The following ADGRF3 variants were observed in gnomAD, a reference collection of about 807,000 sequenced individuals.
ADGRF3 encodes the protein G protein-coupled receptor 113.
In ADGRF3, 85 loss-of-function variants were observed where a neutral mutation model predicts 93.2. That is an observed-to-expected ratio of 0.91 (90% CI 0.77 to 1.09). The LOEUF (loss-of-function observed/expected upper bound fraction) is 1.09. Among genes scored for constraint, ADGRF3 ranks in the 50% least tolerant of loss-of-function variants. ADGRF3 has a pLI of 0.00. For synonymous variants in ADGRF3, 534 were observed against 532.5 expected, an observed-to-expected ratio of 1.00 and a Z score of -0.04; for missense variants, 1,125 against 1,246.2, an observed-to-expected ratio of 0.90 and a Z score of 1.46.
intron 1 of ADGRF3, among the ~76,000 whole-genome samples, chr2:26,334,947 G>A (rs939588148): frequency 2.6e-5 from 4 of 151,818 alleles, no homozygotes; most frequent in African/African-American, 4.9e-5. Flanking sequence ...TACATTTTTA[G>A]TTGTAACAGG....
intron 1 of ADGRF3, among the ~76,000 whole-genome samples, chr2:26,342,128 G>A (rs1676434749): frequency 6.7e-6 from 1 of 150,134 alleles, no homozygotes; most frequent in South Asian, 2.1e-4. Context: ...CCATCAACTT[G>A]TAGAAGCATA....
chr2:26,327,457 T>C (rs1031067018), intron 1 of ADGRF3, among the ~76,000 whole-genome samples: 7 of 152,214 alleles, frequency 4.6e-5, no homozygotes, highest in African/African-American at 1.7e-4. Flanking sequence ...GCTAAAAGAA[T>C]GTATCAATAC....
chr2:26,328,227 A>G (rs1447847060), intron 1 of ADGRF3, among the ~76,000 whole-genome samples: 2 of 151,152 alleles, frequency 1.3e-5, no homozygotes, highest in African/African-American at 4.8e-5. Context: ...TAAGTAATCT[A>G]TCATTTTTCC....
intron 1 of ADGRF3, among the ~76,000 whole-genome samples, chr2:26,339,235 C>T (rs974027745): frequency 4.0e-5 from 6 of 151,842 alleles, no homozygotes; most frequent in Non-Finnish European, 7.4e-5. Flanking sequence ...GTGGCTCATG[C>T]CTGTAATCCC....
At position 26,313,099 on chromosome 2, in the gene ADGRF3, A is replaced by C; in HGVS notation, c.1293T>G (p.Ser431Arg). 6.2e-7 allele frequency: 1 copy of C among 1,613,922 alleles called. No homozygotes were observed. Among genetic ancestry groups the C allele is most frequent in the Non-Finnish European group, 8.5e-7 (1 of 1,179,856 alleles). Residue 431 changes from serine to arginine, a missense_variant, in exon 9 of 14, where the codon AGT (serine) becomes AGG (arginine). Transcript: ENST00000651242. ...GGATCTGTGGCACCTCCTCAGCAGG[A>C]CTGCCCTGGCCTGCCTGCAGCAGCT... ...RTKLLQAGQG[S>R]PAEEVPQILA...
intron 1 of ADGRF3, among the ~76,000 whole-genome samples, chr2:26,343,891 C>G (rs1676539264): frequency 6.6e-6 from 1 of 152,206 alleles, no homozygotes; most frequent in Admixed American, 6.5e-5. Context: ...TTGATTCAAA[C>G]TTGTTACAAC....
At chr2:26,319,592 T>A (rs1675012484) in intron 1 of ADGRF3, among the ~76,000 whole-genome samples, 1 of 75,952 alleles carries the variant, frequency 1.3e-5, no homozygotes, top group Admixed American at 1.7e-4. Context: ...CCTTCCTTCC[T>A]TCCTTCCTTC....
intron 1 of ADGRF3, among the ~76,000 whole-genome samples, chr2:26,319,652 CTT>C (rs1321004119): frequency 6.8e-6 from 1 of 147,552 alleles, no homozygotes; most frequent in Non-Finnish European, 1.5e-5. Context: ...TTTCCTCACT[CTT>C]TCCTTCCTTC....
intron 1 of ADGRF3, among the ~76,000 whole-genome samples, chr2:26,324,702 T>C (rs559795226): frequency 3.1e-4 from 47 of 152,378 alleles, no homozygotes; most frequent in Non-Finnish European, 5.7e-4. Context: ...ATGTACCACA[T>C]TTTCTTTATC....
chr2:26,335,135 C>T (rs1236623987), intron 1 of ADGRF3, among the ~76,000 whole-genome samples: 1 of 152,150 alleles, frequency 6.6e-6, no homozygotes, highest in Non-Finnish European at 1.5e-5. Context: ...TTCATCACTA[C>T]CTAATTCCAG....
intron 1 of ADGRF3, chr2:26,345,891 AT>A (rs34712326): frequency 1.8e-6 from 1 of 547,932 alleles, no homozygotes; most frequent in Non-Finnish European, 3.2e-6. Flanking sequence ...CAGCTCACCA[AT>A]TTTGACGCTA....
At chr2:26,316,887 A>G in intron 3 of ADGRF3, 25 bp downstream of exon 3, 1 of 1,586,082 alleles carries the variant, frequency 6.3e-7, no homozygotes, top group Non-Finnish European at 8.6e-7. Flanking sequence ...ATTCACTCTC[A>G]GCCCCCTTCC....
rs1482754576 is a variant in ADGRF3 at position 26,312,926 on chromosome 2, T to A, written c.1449+17A>T. 3.8e-6 allele frequency: 6 copies of A among 1,593,714 alleles called. No individual in the cohort carries two copies. In the South Asian group the frequency reaches 5.6e-5, roughly 15 times the overall value. Reference sequence around the variant, plus strand: ...CCGACTGCCCAGCTGGCCCCCACTGTGGCTCAGAGATCTCACCTTCAGGGC... The same window carrying A: ...CCGACTGCCCAGCTGGCCCCCACTGAGGCTCAGAGATCTCACCTTCAGGGC... On this transcript the variant is annotated intron_variant, in intron 9 of 13. Coordinates refer to ENST00000651242, the MANE Select transcript of ADGRF3 (RefSeq NM_001321971.2).
At position 26,314,497 on chromosome 2, in the gene ADGRF3, G is replaced by A; in HGVS notation, c.845C>T (p.Ser282Phe). The A allele has an allele frequency of 6.2e-7, 1 of 1,614,046 alleles. No homozygotes were observed. Residue 282 changes from serine to phenylalanine, a missense_variant, in exon 6 of 14, where the codon TCC becomes TTC. Physicochemically the swap from Ser to Phe is radical, Grantham distance 155 (BLOSUM62 -2). Coordinates refer to ENST00000651242, the MANE Select transcript of ADGRF3 (RefSeq NM_001321971.2). ...PYQLSISCAT[S>F]PGFQLSCCIP... The stretch of plus-strand genomic sequence containing the variant: ...GCAGCAGCTCAGCTGGAAGCCAGGG[G>A]AGGTGGCACAGGAGATGGACAGCTG...
chr2:26,317,466 C>A (rs756432340), intron 2 of ADGRF3, 30 bp downstream of exon 2: 2 of 1,566,690 alleles, frequency 1.3e-6, no homozygotes, highest in Non-Finnish European at 8.7e-7. Flanking sequence ...ATCTCCTCCC[C>A]CTCCCTCCTC....
chr2:26,308,960 G>T lies in ADGRF3; in HGVS notation c.*126C>A. 8.0e-7 allele frequency: 1 copy of T among 1,256,266 alleles called. No individual in the cohort carries two copies. Among genetic ancestry groups the T allele is most frequent in the Non-Finnish European group, 1.2e-6 (1 of 862,924 alleles). 77.8% of individuals were successfully genotyped at this position (1,256,266 alleles called of 1,614,324 possible). On this transcript the variant is annotated 3_prime_UTR_variant, in exon 14 of 14. Transcript: ENST00000651242. ...ATGAGTGTCACTAAGGGAAATATAA[G>T]CCTGCCTTTCTCAAGGGCTGAGCTC... is the stretch of plus-strand genomic sequence containing the variant.
Position 26,311,162 on chromosome 2 carries a change from A to G in ADGRF3, c.2362T>C (p.Phe788Leu). ...FLCHFLYLAT[F>L]FWMLAQALVL... Reference sequence around the variant, plus strand: ...AGGGCCTGCGCCAGCATCCAGAAAAAGGTGGCCAGGTAGAGGAAATGACAG... The same window carrying G: ...AGGGCCTGCGCCAGCATCCAGAAAAGGGTGGCCAGGTAGAGGAAATGACAG... The change falls in exon 10 of 14, where the codon TTT becomes CTT. Residue 788 changes from phenylalanine (F) to leucine (L), a missense_variant. Transcript: ENST00000651242. The G allele has an allele frequency of 6.3e-7, 1 of 1,596,398 alleles. No individual in the cohort carries two copies. Among genetic ancestry groups the G allele is most frequent in the Non-Finnish European group, 8.5e-7 (1 of 1,171,932 alleles).
At chr2:26,334,451 C>T (rs1487936908) in intron 1 of ADGRF3, among the ~76,000 whole-genome samples, 1 of 151,962 alleles carries the variant, frequency 6.6e-6, no homozygotes, top group Non-Finnish European at 1.5e-5. Context: ...TTTCAAATTC[C>T]TCTAGAAAAG....
intron 8 of ADGRF3, 38 bp downstream of exon 8, chr2:26,313,339 G>A (rs778606896): frequency 1.3e-5 from 20 of 1,518,706 alleles, no homozygotes; most frequent in South Asian, 7.8e-5. Context: ...AGGGTGGGCC[G>A]TGGAGGGGGC....
Sources: gnomAD v4.1 joint callset for allele counts (sites outside exome capture counted in the v4.1 genomes callset) on GRCh38, gnomAD v4.1.1 for gene constraint, MANE v1.5 for transcripts, NCBI Gene and HGNC (gene_info 2026-07-23, HGNC 2026-07-21) for gene names.